Variants in TEC observed in about 807,000 individuals in gnomAD.
The protein encoded by TEC is tec protein tyrosine kinase.
TEC carries 72 observed loss-of-function variants against 93.0 expected under a neutral mutation model. The ratio of observed to expected loss-of-function variants is 0.77; its 90% confidence interval spans 0.64 to 0.94. The LOEUF (loss-of-function observed/expected upper bound fraction) is 0.94. TEC is among the 40% of genes least tolerant of loss of function. The pLI is 0.00. For missense variants in TEC, 630 were observed against 757.9 expected, an observed-to-expected ratio of 0.83 and a Z score of 1.98; for synonymous variants, 249 against 247.7, an observed-to-expected ratio of 1.01 and a Z score of -0.05.
chr4:48,204,075 C>G (rs1722623261), intron 2 of TEC, among the ~76,000 whole-genome samples: 1 of 152,234 alleles, frequency 6.6e-6, no homozygotes, highest in African/African-American at 2.4e-5. Context: ...GTTAACATAG[C>G]AGGCCTGACA....
intron 2 of TEC, among the ~76,000 whole-genome samples, chr4:48,189,132 C>T (rs1442493824): frequency 6.6e-6 from 1 of 152,156 alleles, no homozygotes; most frequent in Non-Finnish European, 1.5e-5. Context: ...ATAAATAGTG[C>T]TTTACAGATG....
At chr4:48,229,945 G>T (rs1345125379) in intron 1 of TEC, among the ~76,000 whole-genome samples, 1 of 149,452 alleles carries the variant, frequency 6.7e-6, no homozygotes, top group Admixed American at 6.7e-5. Flanking sequence ...CATGGTGGCA[G>T]GTGCCTGTAA....
intron 11 of TEC, among the ~76,000 whole-genome samples, chr4:48,147,672 C>T (rs1719975908): frequency 6.6e-6 from 1 of 152,062 alleles, no homozygotes; most frequent in African/African-American, 2.4e-5. Context: ...AGGGGTTGAT[C>T]CTGTCTCACC....
At chr4:48,268,206 T>C (rs574996915) in intron 1 of TEC, among the ~76,000 whole-genome samples, 6 of 152,360 alleles carry the variant, frequency 3.9e-5, no homozygotes, top group African/African-American at 1.4e-4. Context: ...AGAGCATACA[T>C]TAATATTCTA....
At chr4:48,155,299 T>C (rs1720350418) in intron 9 of TEC, among the ~76,000 whole-genome samples, 2 of 152,180 alleles carry the variant, frequency 1.3e-5, no homozygotes, top group African/African-American at 4.8e-5. Flanking sequence ...TAATTGGACA[T>C]GATAAATGGG....
intron 1 of TEC, among the ~76,000 whole-genome samples, chr4:48,256,760 G>A (rs557343121): frequency 2.6e-4 from 40 of 152,218 alleles, no homozygotes; most frequent in Admixed American, 5.2e-4. Flanking sequence ...TGTATAACCT[G>A]CACATTATAT....
At chr4:48,168,654 T>TA (rs1720975014) in intron 5 of TEC, 28 bp from the exon 6 acceptor site, 1 of 1,593,870 alleles carries the variant, frequency 6.3e-7, no homozygotes, top group Non-Finnish European at 8.5e-7. Flanking sequence ...AAAAACAGAT[T>TA]AAAATGCTAT....
intron 1 of TEC, among the ~76,000 whole-genome samples, chr4:48,240,118 G>C (rs1421305160): frequency 6.6e-6 from 1 of 152,066 alleles, no homozygotes; most frequent in East Asian, 1.9e-4. Context: ...GGGTATGGAA[G>C]AGTATAGACA....
At chr4:48,167,203 G>A (rs1330389907) in intron 7 of TEC, among the ~76,000 whole-genome samples, 1 of 151,918 alleles carries the variant, frequency 6.6e-6, no homozygotes, top group East Asian at 1.9e-4. Flanking sequence ...AAAAAAGCTT[G>A]CTGTTTAATT....
At chr4:48,149,976 C>T in intron 10 of TEC, among the ~76,000 whole-genome samples, 1 of 152,204 alleles carries the variant, frequency 6.6e-6, no homozygotes, top group Non-Finnish European at 1.5e-5. Flanking sequence ...TAGCTATTAG[C>T]AGCTACTGCT....
chr4:48,150,827 C>T (rs780293643), intron 10 of TEC, 36 bp downstream of exon 10: 1 of 1,432,638 alleles, frequency 7.0e-7, no homozygotes, highest in African/African-American at 1.4e-5. Flanking sequence ...CATACAAAAA[C>T]TCTAAATTAT....
intron 2 of TEC, among the ~76,000 whole-genome samples, chr4:48,177,249 A>G (rs1721368703): frequency 6.6e-6 from 1 of 152,256 alleles, no homozygotes; most frequent in South Asian, 2.1e-4. Flanking sequence ...CACAATGTAG[A>G]AATAAAAAAT....
At chr4:48,204,996 A>G (rs542739940) in intron 2 of TEC, among the ~76,000 whole-genome samples, 1 of 152,302 alleles carries the variant, frequency 6.6e-6, no homozygotes, top group South Asian at 2.1e-4. Flanking sequence ...GTGAACTAGA[A>G]TGAGCTTCAC....
intron 2 of TEC, among the ~76,000 whole-genome samples, chr4:48,213,610 C>A (rs1399022848): frequency 6.6e-6 from 1 of 152,176 alleles, no homozygotes; most frequent in Non-Finnish European, 1.5e-5. Flanking sequence ...CAGCATCAAC[C>A]TATGGCTAAC....
intron 2 of TEC, among the ~76,000 whole-genome samples, chr4:48,221,325 T>C (rs1325036703): frequency 6.6e-6 from 1 of 152,198 alleles, no homozygotes; most frequent in Non-Finnish European, 1.5e-5. Flanking sequence ...ACCCCCATGC[T>C]GCTGTTCTCC....
At chr4:48,262,676 G>A (rs1478983952) in intron 1 of TEC, among the ~76,000 whole-genome samples, 2 of 152,112 alleles carry the variant, frequency 1.3e-5, no homozygotes, top group African/African-American at 2.4e-5. Context: ...CAAAGACTTC[G>A]TTTAGAAAAG....
chr4:48,159,819 A>T (rs984309263), intron 8 of TEC, among the ~76,000 whole-genome samples: 2 of 152,182 alleles, frequency 1.3e-5, no homozygotes, highest in Non-Finnish European at 2.9e-5. Flanking sequence ...TTGGGATTAC[A>T]GGTGTGAGCC....
chr4:48,250,916 C>CTG (rs902065353), intron 1 of TEC, among the ~76,000 whole-genome samples: 4 of 152,188 alleles, frequency 2.6e-5, no homozygotes, highest in African/African-American at 9.7e-5. Flanking sequence ...ATTTATGGGA[C>CTG]TGTTTGTTAC....
At chr4:48,231,041 T>C (rs1723631325) in intron 1 of TEC, among the ~76,000 whole-genome samples, 1 of 152,248 alleles carries the variant, frequency 6.6e-6, no homozygotes, top group Non-Finnish European at 1.5e-5. Flanking sequence ...TAAGTGTGTA[T>C]TAGAATCTAG....
Sources: gnomAD v4.1 joint callset for allele counts (sites outside exome capture counted in the v4.1 genomes callset) on GRCh38, gnomAD v4.1.1 for gene constraint, MANE v1.5 for transcripts, NCBI Gene and HGNC (gene_info 2026-07-23, HGNC 2026-07-21) for gene names.